Variants in MOB3B observed in about 807,000 individuals in gnomAD.
MOB3B encodes MOB kinase activator-like 2B.
A neutral mutation model predicts 18.7 loss-of-function variants in MOB3B; 7 were observed. The observed-to-expected ratio is 0.37, with a 90% CI of 0.21 to 0.70. MOB3B has a LOEUF of 0.70. Ranked by LOEUF, MOB3B falls within the 30% of genes least tolerant of loss-of-function variation. MOB3B has a pLI of 0.52. For synonymous variants in MOB3B, 111 were observed against 99.9 expected, an observed-to-expected ratio of 1.11 and a Z score of -0.66; for missense variants, 253 against 281.3, an observed-to-expected ratio of 0.90 and a Z score of 0.72.
intron 2 of MOB3B, among the ~76,000 whole-genome samples, chr9:27,425,565 C>T (rs1054186060): frequency 4.6e-5 from 7 of 152,134 alleles, no homozygotes; most frequent in African/African-American, 1.7e-4. Context: ...TTCAGGGAAA[C>T]ATGAATGTTC....
chr9:27,329,787 C>T lies in MOB3B; in HGVS notation c.*800G>A, dbSNP rs1820761308. The T allele has an allele frequency of 6.6e-6, 1 of 152,610 alleles. No individual in the cohort carries two copies. The highest frequency in any genetic ancestry group is 6.5e-5 in the Admixed American group (1 of 15,282). 9.5% of individuals were successfully genotyped at this position (152,610 alleles called of 1,614,324 possible). ...TCTTCTGGGAAACAGGAAAGAATAT[C>T]TTCCACTGAAGAGACAAGGAATGAT... On this transcript the variant is annotated 3_prime_UTR_variant, in exon 4 of 4. Transcript: ENST00000262244.
At chr9:27,380,346 C>A (rs1343211746) in intron 2 of MOB3B, among the ~76,000 whole-genome samples, 2 of 150,770 alleles carry the variant, frequency 1.3e-5, no homozygotes, top group Non-Finnish European at 2.9e-5. Flanking sequence ...CTCACTGCAA[C>A]CTCCGCCTCA....
At chr9:27,421,943 C>T (rs745395644) in intron 2 of MOB3B, among the ~76,000 whole-genome samples, 13 of 152,268 alleles carry the variant, frequency 8.5e-5, no homozygotes, top group Non-Finnish European at 1.9e-4. Context: ...TGATTATGGC[C>T]TGCCTCTCCT....
At chr9:27,430,861 C>T (rs370093870) in intron 2 of MOB3B, among the ~76,000 whole-genome samples, 283 of 151,392 alleles carry the variant, frequency 1.9e-3, no homozygotes, top group African/African-American at 6.3e-3. Context: ...TAAACCCTCC[C>T]GTTCAGATCA....
intron 3 of MOB3B, 57 bp from the exon 4 acceptor site, chr9:27,330,673 G>C: frequency 6.2e-7 from 1 of 1,610,424 alleles, no homozygotes; most frequent in Admixed American, 1.7e-5. Context: ...GCAACGATTT[G>C]GTGAAGGATC....
chr9:27,495,023 A>G (rs1476160178), intron 1 of MOB3B, among the ~76,000 whole-genome samples: 2 of 152,110 alleles, frequency 1.3e-5, no homozygotes, highest in Non-Finnish European at 2.9e-5. Flanking sequence ...TCTTGGGAAA[A>G]ACTGCTATAT....
intron 2 of MOB3B, among the ~76,000 whole-genome samples, chr9:27,411,401 A>G (rs1822065229): frequency 6.6e-6 from 1 of 152,230 alleles, no homozygotes; most frequent in African/African-American, 2.4e-5. Flanking sequence ...ATTTGTACCA[A>G]TTTCTTGGGA....
At chr9:27,349,161 T>A (rs1821071960) in intron 3 of MOB3B, among the ~76,000 whole-genome samples, 1 of 152,254 alleles carries the variant, frequency 6.6e-6, no homozygotes, top group South Asian at 2.1e-4. Flanking sequence ...TTAATACTAA[T>A]TAGTATTATG....
chr9:27,390,101 G>T (rs768771803), intron 2 of MOB3B, among the ~76,000 whole-genome samples: 1 of 151,852 alleles, frequency 6.6e-6, no homozygotes, highest in African/African-American at 2.4e-5. Context: ...TATTTGAGAC[G>T]GAGTCTCGCT....
intron 2 of MOB3B, among the ~76,000 whole-genome samples, chr9:27,364,517 C>T (rs1309439555): frequency 6.6e-6 from 1 of 152,084 alleles, no homozygotes; most frequent in Non-Finnish European, 1.5e-5. Flanking sequence ...ATCTGGATTC[C>T]CCTTTGCTTA....
rs780980277 is a variant in MOB3B at position 27,455,323 on chromosome 9, G to A, written c.228C>T (p.Gly76=). 5 of 1,614,122 alleles carry A rather than the reference G, an allele frequency of 3.1e-6. No homozygotes were observed. Among genetic ancestry groups the A allele is most frequent in the Non-Finnish European group, 3.4e-6 (4 of 1,180,020 alleles). ...GCTCGGTGCAGAACTCACAGATGGTGCCATAGATGAGGTTGATCCGATTGA... is the reference window on the plus strand; with the variant it reads ...GCTCGGTGCAGAACTCACAGATGGTACCATAGATGAGGTTGATCCGATTGA... ...DFFNRINLIY[G]TICEFCTERT... The change falls in exon 2 of 4, where the codon GGC becomes GGT. Residue 76 remains glycine (G), a synonymous_variant. Transcript: ENST00000262244.
intron 2 of MOB3B, among the ~76,000 whole-genome samples, chr9:27,450,412 CTAAG>C (rs1251686747): frequency 6.6e-6 from 1 of 151,988 alleles, no homozygotes; most frequent in Non-Finnish European, 1.5e-5. Flanking sequence ...TTTCATGAGG[CTAAG>C]TAATCTGCTG....
At chr9:27,390,074 A>G (rs1348248254) in intron 2 of MOB3B, among the ~76,000 whole-genome samples, 3 of 152,192 alleles carry the variant, frequency 2.0e-5, no homozygotes, top group African/African-American at 7.2e-5. Context: ...TATAAAATAT[A>G]TATGTGTGTA....
chr9:27,371,211 G>A (rs1446264276), intron 2 of MOB3B, among the ~76,000 whole-genome samples: 1 of 152,240 alleles, frequency 6.6e-6, no homozygotes, highest in Non-Finnish European at 1.5e-5. Context: ...CAAGGGAGAA[G>A]ATAGCAATGT....
At chr9:27,341,694 G>A (rs749788170) in intron 3 of MOB3B, among the ~76,000 whole-genome samples, 79 of 152,158 alleles carry the variant, frequency 5.2e-4, no homozygotes, top group Admixed American at 2.5e-3. Context: ...CTTTGTGCCC[G>A]ACTCTGTCAC....
At chr9:27,471,569 A>G (rs779780804) in intron 1 of MOB3B, among the ~76,000 whole-genome samples, 2 of 152,314 alleles carry the variant, frequency 1.3e-5, no homozygotes, top group South Asian at 4.1e-4. Flanking sequence ...AGCTTACTAT[A>G]TCACATTGCT....
At chr9:27,491,346 C>A (rs1401061027) in intron 1 of MOB3B, among the ~76,000 whole-genome samples, 1 of 151,984 alleles carries the variant, frequency 6.6e-6, no homozygotes, top group Non-Finnish European at 1.5e-5. Context: ...AAGTTTTCTC[C>A]ACAGATGATG....
chr9:27,403,334 G>C (rs1156392166), intron 2 of MOB3B, among the ~76,000 whole-genome samples: 3 of 151,968 alleles, frequency 2.0e-5, no homozygotes, highest in Admixed American at 6.6e-5. Flanking sequence ...AAGTATGAAA[G>C]GTAGAACATA....
At position 27,423,066 on chromosome 9, in the gene MOB3B, G is replaced by A. The variant is rs58792152; in HGVS notation, c.418+32067C>T. On this transcript the variant is annotated intron_variant, in intron 2 of 3. Transcript: ENST00000262244. ...ATGGGTCCACATGGAGAGCCAGAAA[G>A]AACGCTACATGGCAAGTCAGGATAC... Among the ~76,000 whole-genome samples, 1,327 of 152,286 alleles carry A rather than the reference G, an allele frequency of 8.7e-3. 24 individuals are homozygous for A. Among genetic ancestry groups the A allele is most frequent in the African/African-American group, 0.03 (1,226 of 41,550 alleles).
Sources: gnomAD v4.1 joint callset for allele counts (sites outside exome capture counted in the v4.1 genomes callset) on GRCh38, gnomAD v4.1.1 for gene constraint, MANE v1.5 for transcripts, NCBI Gene and HGNC (gene_info 2026-07-23, HGNC 2026-07-21) for gene names.